The following MICAL3 variants were observed in gnomAD, a reference collection of about 807,000 sequenced individuals.
MICAL3 encodes the protein [F-actin]-monooxygenase MICAL3.
MICAL3 carries 62 observed loss-of-function variants against 207.4 expected under a neutral mutation model. That is an observed-to-expected ratio of 0.30 (90% CI 0.24 to 0.37). MICAL3 has a LOEUF of 0.37. MICAL3 is among the 10% of genes least tolerant of loss of function. MICAL3 has a pLI of 1.00. For synonymous variants in MICAL3, 1,077 were observed against 1,069.3 expected, an observed-to-expected ratio of 1.01 and a Z score of -0.14; for missense variants, 2,368 against 2,635.6, an observed-to-expected ratio of 0.90 and a Z score of 2.22.
In MICAL3 at chr22:17,818,699, C is replaced by T; in HGVS notation, c.3962G>A (p.Ser1321Asn). Reference sequence around the variant, plus strand: ...CATCCAGAACTCCTCCACCAGGTCGCTCCGTCTGAGGGCCTCATCCACAGC... The same window carrying T: ...CATCCAGAACTCCTCCACCAGGTCGTTCCGTCTGAGGGCCTCATCCACAGC... ...PLAVDEALRR[S>N]DLVEEFWMKS... The change falls in exon 26 of 32, where the codon AGC becomes AAC. Residue 1321 changes from serine to asparagine, a missense_variant. This residue lies in a region of MICAL3 where 1,770 missense variants were observed against 1,863.2 expected (regional missense o/e 0.95). Coordinates refer to ENST00000441493, the MANE Select transcript of MICAL3 (RefSeq NM_015241.3). 6.2e-7 allele frequency: 1 copy of T among 1,613,794 alleles called. No individual in the cohort carries two copies. Among genetic ancestry groups the T allele is most frequent in the Non-Finnish European group, 8.5e-7 (1 of 1,179,832 alleles).
intron 22 of MICAL3, among the ~76,000 whole-genome samples, chr22:17,826,170 C>T (rs5992118): frequency 0.31 from 46,597 of 152,082 alleles, 7,495 homozygotes; most frequent in Non-Finnish European, 0.34. Flanking sequence ...GTGCCAAAAA[C>T]GTTCCTTTGG....
intron 19 of MICAL3, chr22:17,862,813 A>G: frequency 2.0e-6 from 2 of 985,458 alleles, no homozygotes; most frequent in Non-Finnish European, 2.4e-6. Context: ...CCGGAGGGTA[A>G]GCCCCTCAGC....
intron 1 of MICAL3, among the ~76,000 whole-genome samples, chr22:18,003,283 C>G (rs955449325): frequency 6.6e-6 from 1 of 152,072 alleles, no homozygotes; most frequent in Non-Finnish European, 1.5e-5. Context: ...TCCCTCATCT[C>G]TTAGAGAAGA....
intron 19 of MICAL3, among the ~76,000 whole-genome samples, chr22:17,852,556 A>G (rs1925445874): frequency 6.6e-6 from 1 of 152,204 alleles, no homozygotes; most frequent in South Asian, 2.1e-4. Context: ...GCAGCAGCTG[A>G]GCAGCTGCGG....
At chr22:17,801,926 A>C (rs1239176170) in intron 29 of MICAL3, among the ~76,000 whole-genome samples, 2 of 151,842 alleles carry the variant, frequency 1.3e-5, no homozygotes, top group Admixed American at 1.3e-4. Flanking sequence ...CAACAACAAC[A>C]AAAAACCCAA....
At chr22:17,945,344 C>A (rs1381282708) in intron 1 of MICAL3, among the ~76,000 whole-genome samples, 3 of 152,208 alleles carry the variant, frequency 2.0e-5, no homozygotes, top group Admixed American at 2.0e-4. Flanking sequence ...TAATAGGGCA[C>A]CTTGGGCGCT....
At chr22:17,946,942 T>C (rs1161805350) in intron 1 of MICAL3, among the ~76,000 whole-genome samples, 1 of 152,100 alleles carries the variant, frequency 6.6e-6, no homozygotes, top group Non-Finnish European at 1.5e-5. Flanking sequence ...AGCCGGAAGA[T>C]GGGTGGGGAG....
intron 16 of MICAL3, among the ~76,000 whole-genome samples, chr22:17,877,354 A>C (rs1433687438): frequency 8.9e-6 from 1 of 112,434 alleles, no homozygotes. Context: ...GAGGTTAGGG[A>C]GGTTATGGAG....
intron 1 of MICAL3, among the ~76,000 whole-genome samples, chr22:17,933,562 C>T (rs536965099): frequency 2.0e-5 from 3 of 152,216 alleles, no homozygotes; most frequent in African/African-American, 7.2e-5. Flanking sequence ...ATTAAAAGAA[C>T]TAGAGAAGCA....
chr22:17,824,738 C>T (rs965613766), intron 22 of MICAL3, among the ~76,000 whole-genome samples: 6 of 152,236 alleles, frequency 3.9e-5, no homozygotes, highest in East Asian at 1.9e-4. Flanking sequence ...CCTACAGCAT[C>T]GGCACCTGCT....
At chr22:17,886,118 C>T (rs1463966129) in intron 15 of MICAL3, 67 bp from the exon 16 acceptor site, 1 of 1,551,678 alleles carries the variant, frequency 6.4e-7, no homozygotes, top group African/African-American at 1.4e-5. Flanking sequence ...CCCTCCCTCA[C>T]AGAAGTGCAC....
chr22:17,944,570 C>A (rs1418384792), intron 1 of MICAL3, among the ~76,000 whole-genome samples: 1 of 152,192 alleles, frequency 6.6e-6, no homozygotes, highest in African/African-American at 2.4e-5. Flanking sequence ...ACATTCCATG[C>A]AAAGTTTCGG....
Position 17,899,572 on chromosome 22 carries a change from G to A in MICAL3, c.848-24C>T, listed in dbSNP as rs772807912. On this transcript the variant is annotated intron_variant, in intron 6 of 31. Coordinates refer to ENST00000441493, the MANE Select transcript of MICAL3 (RefSeq NM_015241.3). ...ACCTGGGGCCAGAAGACAAACGTGT[G>A]CATGTAAGTTTGCTGAGATGAAGGT... The A allele has an allele frequency of 6.1e-6, 9 of 1,481,430 alleles. No homozygotes were observed. In the African/African-American group the frequency reaches 8.3e-5, roughly 14 times the overall value. The allele number at this position is 1,481,430 out of a possible 1,614,324, so 91.8% of individuals were successfully genotyped here. A position where few individuals can be genotyped will look rare whatever the true frequency, so the allele number is the denominator to read the frequency against.
At chr22:17,875,148 C>T (rs1399661650) in intron 16 of MICAL3, 1 of 179,912 alleles carries the variant, frequency 5.6e-6, no homozygotes, top group African/African-American at 2.4e-5. Context: ...CCAATGGCTG[C>T]AAAACATTTA....
At position 17,819,133 on chromosome 22, in the gene MICAL3, C is replaced by T. The variant is rs1307954541; in HGVS notation, c.3532-4G>A. Reference sequence around the variant, plus strand: ...GGACAGGTGGGAGTTGGGGCCCCTACAGGGAAGGAAGACAGAAGCCGCTGA... The same window carrying T: ...GGACAGGTGGGAGTTGGGGCCCCTATAGGGAAGGAAGACAGAAGCCGCTGA... On this transcript the variant is annotated splice_region_variant and splice_polypyrimidine_tract_variant and intron_variant, in intron 25 of 31. Transcript: ENST00000441493. 1 of 1,469,792 alleles carries T rather than the reference C, an allele frequency of 6.8e-7. No individual in the cohort carries two copies. Among genetic ancestry groups the T allele is most frequent in the Admixed American group, 2.4e-5 (1 of 42,190 alleles). The allele number at this position is 1,469,792 out of a possible 1,614,324, so 91.0% of individuals were successfully genotyped here.
intron 1 of MICAL3, among the ~76,000 whole-genome samples, chr22:17,977,522 T>C (rs567203262): frequency 1.4e-5 from 2 of 144,386 alleles, no homozygotes; most frequent in East Asian, 3.9e-4. Context: ...TCATACCCAC[T>C]AGGAAGACTA....
At position 17,909,126 on chromosome 22, in the gene MICAL3, G is replaced by A. The variant is rs542718122; in HGVS notation, c.-74-2240C>T. ...TTCTATGTCAACAGACACAACACTCGTCACATAATGTGGAGGATACATTGC... is the reference window on the plus strand; with the variant it reads ...TTCTATGTCAACAGACACAACACTCATCACATAATGTGGAGGATACATTGC... On this transcript the variant is annotated intron_variant, in intron 1 of 31. Transcript: ENST00000441493. Among the ~76,000 whole-genome samples, 50 of 152,278 alleles carry A rather than the reference G, an allele frequency of 3.3e-4. 1 individual carries two copies. In the South Asian group the frequency reaches 9.1e-3, roughly 28 times the overall value.
At chr22:17,832,984 C>T (rs1339658477) in intron 20 of MICAL3, among the ~76,000 whole-genome samples, 3 of 152,210 alleles carry the variant, frequency 2.0e-5, no homozygotes, top group East Asian at 1.9e-4. Flanking sequence ...CCAGGGCCAT[C>T]GCTCCTGCCA....
chr22:17,959,117 G>A (rs1320056973), intron 1 of MICAL3, among the ~76,000 whole-genome samples: 1 of 142,540 alleles, frequency 7.0e-6, no homozygotes, highest in Non-Finnish European at 1.5e-5. Context: ...CCGGGTTCAC[G>A]CCATTCTCCT....
Sources: gnomAD v4.1 joint callset for allele counts (sites outside exome capture counted in the v4.1 genomes callset) on GRCh38, gnomAD v4.1.1 for gene constraint, gnomAD v4.1.1 regional missense constraint, MANE v1.5 for transcripts, NCBI Gene and HGNC (gene_info 2026-07-23, HGNC 2026-07-21) for gene names.